The following OSBPL10 variants were observed in gnomAD, a reference collection of about 807,000 sequenced individuals.
OSBPL10 encodes the protein oxysterol-binding protein-related protein 10.
Under a neutral mutation model 81.7 loss-of-function variants are expected in OSBPL10, and 49 were observed. That is an observed-to-expected ratio of 0.60 (90% CI 0.48 to 0.76). The LOEUF (loss-of-function observed/expected upper bound fraction) is 0.76. Ranked by LOEUF, OSBPL10 falls within the 30% of genes least tolerant of loss-of-function variation. OSBPL10 has a pLI of 0.00. For synonymous variants in OSBPL10, 419 were observed against 383.6 expected, an observed-to-expected ratio of 1.09 and a Z score of -1.08; for missense variants, 923 against 987.8, an observed-to-expected ratio of 0.93 and a Z score of 0.88.
chr3:31,893,275 T>C (rs1695953947), intron 1 of OSBPL10, among the ~76,000 whole-genome samples: 1 of 152,102 alleles, frequency 6.6e-6, no homozygotes, highest in Admixed American at 6.5e-5. Flanking sequence ...AGAAGACATT[T>C]CACCAAAGAA....
At chr3:31,823,284 C>A (rs1033093281) in intron 4 of OSBPL10, among the ~76,000 whole-genome samples, 2 of 152,228 alleles carry the variant, frequency 1.3e-5, no homozygotes, top group African/African-American at 4.8e-5. Flanking sequence ...GAGAACGAGT[C>A]CTTAATTCAA....
At position 31,756,398 on chromosome 3, in the gene OSBPL10, G is replaced by C. The variant is rs796783416; in HGVS notation, c.730-8278C>G. Among the ~76,000 whole-genome samples the C allele has an allele frequency of 1.2e-4, 18 of 152,228 alleles. 2 individuals are homozygous for C. Among genetic ancestry groups the C allele is most frequent in the African/African-American group, 3.6e-4 (15 of 41,534 alleles). ...TTGGTTTTGCTTTCCGATTACAAAA[G>C]GCTGGCTCATTCCATCAACAACCAT... On this transcript the variant is annotated intron_variant, in intron 4 of 11. Coordinates refer to ENST00000396556, the MANE Select transcript of OSBPL10 (RefSeq NM_017784.5).
Position 31,858,846 on chromosome 3 carries a change from A to G in OSBPL10, c.537+17587T>C, listed in dbSNP as rs528497980. ...TATCAAAACTTTTAGGGGGAAAGTC[A>G]TAACAATCAGGTTTTAGAGATGCTT... On this transcript the variant is annotated intron_variant, in intron 3 of 11. Coordinates refer to ENST00000396556, the MANE Select transcript of OSBPL10 (RefSeq NM_017784.5). 2.6e-5 allele frequency among the ~76,000 whole-genome samples: 4 copies of G among 152,334 alleles called. No individual in the cohort carries two copies. In the South Asian group the frequency reaches 8.3e-4, roughly 32 times the overall value.
At chr3:32,011,939 T>C (rs192021221) in intron 2 of OSBPL10, among the ~76,000 whole-genome samples, 306 of 152,278 alleles carry the variant, frequency 2.0e-3, no homozygotes, top group African/African-American at 6.9e-3. Flanking sequence ...AATATGGGAC[T>C]ATGTGAAAAG....
intron 7 of OSBPL10, among the ~76,000 whole-genome samples, chr3:31,692,395 C>A (rs1052514088): frequency 5.9e-5 from 9 of 151,896 alleles, no homozygotes; most frequent in African/African-American, 2.2e-4. Context: ...GATTATAGAC[C>A]CCTATAATCA....
At chr3:31,758,643 G>C (rs1306643499) in intron 4 of OSBPL10, among the ~76,000 whole-genome samples, 1 of 152,216 alleles carries the variant, frequency 6.6e-6, no homozygotes, top group Non-Finnish European at 1.5e-5. Flanking sequence ...TGTGCAGTGA[G>C]GGTCTTCGTG....
intron 4 of OSBPL10, among the ~76,000 whole-genome samples, chr3:31,803,674 CT>C (rs919721630): frequency 6.6e-6 from 1 of 152,008 alleles, no homozygotes; most frequent in African/African-American, 2.4e-5. Context: ...CCACTAATAG[CT>C]TTTTTTTCTG....
At chr3:31,812,026 T>G (rs1447272015) in intron 4 of OSBPL10, among the ~76,000 whole-genome samples, 4 of 151,616 alleles carry the variant, frequency 2.6e-5, no homozygotes, top group Non-Finnish European at 1.5e-5. Context: ...TTTTTTAAAT[T>G]TATTTATTTA....
At chr3:32,058,051 T>C (rs1054087265) in intron 1 of OSBPL10, among the ~76,000 whole-genome samples, 11 of 152,228 alleles carry the variant, frequency 7.2e-5, no homozygotes, top group African/African-American at 2.7e-4. Flanking sequence ...ACCATTGACA[T>C]TGAAAACTTA....
intron 4 of OSBPL10, among the ~76,000 whole-genome samples, chr3:31,781,297 A>G (rs1698689692): frequency 6.6e-6 from 1 of 152,212 alleles, no homozygotes; most frequent in African/African-American, 2.4e-5. Context: ...CAAAACTGGC[A>G]TAGAAGGGAC....
At chr3:32,033,906 A>C (rs1016608032) in intron 2 of OSBPL10, among the ~76,000 whole-genome samples, 5 of 152,168 alleles carry the variant, frequency 3.3e-5, no homozygotes, top group Non-Finnish European at 7.4e-5. Flanking sequence ...CCATTCTCAC[A>C]CTGTTATGAA....
intron 8 of OSBPL10, among the ~76,000 whole-genome samples, chr3:31,675,846 T>C (rs1471354000): frequency 6.7e-6 from 1 of 148,772 alleles, no homozygotes; most frequent in African/African-American, 2.5e-5. Context: ...CTCGGGAGGC[T>C]GAGGCAGGAG....
intron 1 of OSBPL10, among the ~76,000 whole-genome samples, chr3:31,922,553 G>A (rs1170947518): frequency 6.6e-6 from 1 of 152,110 alleles, no homozygotes; most frequent in Non-Finnish European, 1.5e-5. Flanking sequence ...GGGAGGCGGA[G>A]GTTGCAGTTA....
chr3:31,669,559 A>G (rs1228452908), intron 9 of OSBPL10, among the ~76,000 whole-genome samples: 4 of 152,220 alleles, frequency 2.6e-5, no homozygotes, highest in Non-Finnish European at 4.4e-5. Flanking sequence ...GTCTCAATCA[A>G]TAGCTTCCTA....
chr3:31,827,626 ACT>A (rs1700133065), intron 4 of OSBPL10, among the ~76,000 whole-genome samples: 1 of 150,294 alleles, frequency 6.7e-6, no homozygotes, highest in East Asian at 2.0e-4. Flanking sequence ...ACAGAGTGAG[ACT>A]CTGTCTCAAA....
intron 3 of OSBPL10, among the ~76,000 whole-genome samples, chr3:31,846,216 T>C (rs1700627807): frequency 6.6e-6 from 1 of 152,212 alleles, no homozygotes; most frequent in African/African-American, 2.4e-5. Flanking sequence ...TCTCACTATA[T>C]TGCCCAGGTT....
At chr3:31,884,270 C>T (rs1695671619) in intron 1 of OSBPL10, among the ~76,000 whole-genome samples, 1 of 152,194 alleles carries the variant, frequency 6.6e-6, no homozygotes, top group South Asian at 2.1e-4. Context: ...CATGTTTCCA[C>T]TGCTTTCTAA....
At chr3:31,850,135 A>G (rs1700727390) in intron 3 of OSBPL10, among the ~76,000 whole-genome samples, 1 of 152,210 alleles carries the variant, frequency 6.6e-6, no homozygotes. Context: ...ACTGCACTCC[A>G]GCCTGGGTGA....
At chr3:31,951,605 A>C (rs1697870696) in intron 1 of OSBPL10, among the ~76,000 whole-genome samples, 1 of 151,664 alleles carries the variant, frequency 6.6e-6, no homozygotes, top group Non-Finnish European at 1.5e-5. Flanking sequence ...TATATTCTTT[A>C]ATATAAATCA....
Sources: gnomAD v4.1 joint callset for allele counts (sites outside exome capture counted in the v4.1 genomes callset) on GRCh38, gnomAD v4.1.1 for gene constraint, MANE v1.5 for transcripts, NCBI Gene and HGNC (gene_info 2026-07-23, HGNC 2026-07-21) for gene names.